LINGO2: variants seen among roughly 807,000 people sequenced by gnomAD.
LINGO2 encodes leucine rich repeat and Ig domain containing 2, also known as leucine-rich repeat and immunoglobulin-like domain-containing nogo receptor-interacting protein 2.
A neutral mutation model predicts 30.6 loss-of-function variants in LINGO2; 14 were observed. The ratio of observed to expected loss-of-function variants is 0.46; its 90% CI spans 0.30 to 0.72. The LOEUF (loss-of-function observed/expected upper bound fraction) is 0.72, where lower values mean the gene tolerates loss of function less well. LINGO2 is among the 30% of genes least tolerant of loss of function. LINGO2 has a pLI of 0.07. For missense variants in LINGO2, 729 were observed against 751.7 expected (o/e 0.97, Z 0.35); for synonymous variants, 317 against 288.5 (o/e 1.10, Z -1.00).
At chr9:28,143,228 C>A (rs1827723912) in intron 4 of LINGO2, among the ~76,000 whole-genome samples, 1 of 152,080 alleles carries the variant, frequency 6.6e-6, no homozygotes, top group African/African-American at 2.4e-5. Flanking sequence ...ACTTCATGTC[C>A]TAGTGGAATA....
At chr9:28,210,258 A>G (rs543495775) in intron 4 of LINGO2, among the ~76,000 whole-genome samples, 1 of 151,812 alleles carries the variant, frequency 6.6e-6, no homozygotes, top group African/African-American at 2.4e-5. Context: ...AAATATATAC[A>G]GCTCAAGGCA....
chr9:28,625,221 C>T (rs1487092122), intron 1 of LINGO2, among the ~76,000 whole-genome samples: 2 of 152,042 alleles, frequency 1.3e-5, no homozygotes, highest in African/African-American at 4.8e-5. Flanking sequence ...AGATGAGTGC[C>T]AGCCAAACCC....
At chr9:28,722,625 G>A in the LINGO2 span, among the ~76,000 whole-genome samples, 6 of 152,206 alleles carry the variant, frequency 3.9e-5, no homozygotes, top group African/African-American at 1.4e-4. Flanking sequence ...TTGAATCATG[G>A]AATTAAAACA....
chr9:28,281,063 G>A (rs867039438), intron 4 of LINGO2, among the ~76,000 whole-genome samples: 6 of 152,058 alleles, frequency 3.9e-5, no homozygotes, highest in South Asian at 2.1e-4. Flanking sequence ...GGTCAGATAT[G>A]CAAACTTTGA....
At chr9:28,327,155 C>A (rs758761643) in intron 3 of LINGO2, among the ~76,000 whole-genome samples, 6 of 152,136 alleles carry the variant, frequency 3.9e-5, no homozygotes, top group African/African-American at 1.4e-4. Flanking sequence ...CCATGAGAAA[C>A]AGGCCCTCCC....
chr9:29,192,938 T>C, the LINGO2 span, among the ~76,000 whole-genome samples: 3 of 152,188 alleles, frequency 2.0e-5, no homozygotes, highest in Non-Finnish European at 4.4e-5. Context: ...CTGACAGGCG[T>C]TGTGGTATCT....
At chr9:28,120,824 C>T (rs1306783716) in intron 4 of LINGO2, among the ~76,000 whole-genome samples, 1 of 152,116 alleles carries the variant, frequency 6.6e-6, no homozygotes, top group Admixed American at 6.5e-5. Flanking sequence ...CTTGCCCAGA[C>T]CAGGAAGCTT....
At chr9:29,161,417 A>C in the LINGO2 span, among the ~76,000 whole-genome samples, 1 of 152,336 alleles carries the variant, frequency 6.6e-6, no homozygotes, top group East Asian at 1.9e-4. Context: ...AACCTGACAT[A>C]AGCTTATTAA....
At chr9:28,171,477 G>C (rs1828580064) in intron 4 of LINGO2, among the ~76,000 whole-genome samples, 1 of 152,142 alleles carries the variant, frequency 6.6e-6, no homozygotes, top group African/African-American at 2.4e-5. Flanking sequence ...TCAAACTGGG[G>C]AGAGAAGTTG....
In LINGO2 at chr9:28,055,875, T is replaced by G. The variant is rs191214898; in HGVS notation, c.-86-43470A>C. Among the ~76,000 whole-genome samples the G allele has an allele frequency of 1.5e-3, 227 of 152,276 alleles. 2 individuals are homozygous for G. Among genetic ancestry groups the G allele is most frequent in the African/African-American group, 5.1e-3 (214 of 41,560 alleles). ...TTACTTTGGTTTCGAAGGAGGCATT[T>G]GGCAAAAGTTAAATGTGGCTGATTA... On this transcript the variant is annotated intron_variant, in intron 4 of 5. Transcript: ENST00000379992.
At position 28,556,636 on chromosome 9, in the gene LINGO2, GA is replaced by G. The variant is rs1461556834; in HGVS notation, c.-364-80612del. 1.6e-4 allele frequency among the ~76,000 whole-genome samples: 25 copies of G among 151,910 alleles called. No homozygotes were observed. The East Asian group carries it at 4.3e-3, about 26-fold the overall frequency. On this transcript the variant is annotated intron_variant, in intron 1 of 5. Transcript: ENST00000379992. ...ACCAATGACTTTCTTCACAGAATTGGAAAAAACTACTTTAAAGTTCATATGG... is the reference window on the plus strand; with the variant it reads ...ACCAATGACTTTCTTCACAGAATTGGAAAAACTACTTTAAAGTTCATATGG...
At chr9:28,020,993 G>C (rs1206599615) in intron 4 of LINGO2, among the ~76,000 whole-genome samples, 2 of 151,580 alleles carry the variant, frequency 1.3e-5, no homozygotes, top group Non-Finnish European at 2.9e-5. Flanking sequence ...ACCAGCTTTT[G>C]GTTTCATTTC....
At chr9:28,744,929 T>C in the LINGO2 span, among the ~76,000 whole-genome samples, 1 of 152,036 alleles carries the variant, frequency 6.6e-6, no homozygotes, top group South Asian at 2.1e-4. Context: ...GCCACTGCGC[T>C]GATCCTTGTT....
At chr9:28,548,298 C>G (rs1822058428) in intron 1 of LINGO2, among the ~76,000 whole-genome samples, 1 of 152,036 alleles carries the variant, frequency 6.6e-6, no homozygotes, top group African/African-American at 2.4e-5. Context: ...GGGATATTCC[C>G]ATAGTAGACA....
chr9:28,874,245 A>G, the LINGO2 span, among the ~76,000 whole-genome samples: 1 of 152,044 alleles, frequency 6.6e-6, no homozygotes, highest in South Asian at 2.1e-4. Context: ...GAAAACCAAT[A>G]TTGGCCATTA....
the LINGO2 span, among the ~76,000 whole-genome samples, chr9:28,812,072 ATT>A: frequency 4.6e-4 from 67 of 147,222 alleles, no homozygotes; most frequent in African/African-American, 1.7e-3. Flanking sequence ...TCTTGTGGCA[ATT>A]TTTTTTTTTG....
At chr9:28,143,566 G>A (rs1301266324) in intron 4 of LINGO2, among the ~76,000 whole-genome samples, 3 of 152,102 alleles carry the variant, frequency 2.0e-5, no homozygotes, top group African/African-American at 7.2e-5. Context: ...ATAGAGAGAT[G>A]AACTAGTGAA....
At chr9:28,384,417 T>G (rs990957747) in intron 2 of LINGO2, among the ~76,000 whole-genome samples, 2 of 151,286 alleles carry the variant, frequency 1.3e-5, no homozygotes, top group African/African-American at 4.8e-5. Flanking sequence ...TTTGGACATT[T>G]TTTCAGTTAA....
the LINGO2 span, among the ~76,000 whole-genome samples, chr9:28,751,288 C>CAAAAA: frequency 0.011 from 921 of 81,928 alleles, 30 homozygotes; most frequent in Non-Finnish European, 0.012. Context: ...AAGATCCAGT[C>CAAAAA]AAAAAAAAAA....
Sources: gnomAD v4.1 joint callset for allele counts (sites outside exome capture counted in the v4.1 genomes callset) on GRCh38, gnomAD v4.1.1 for gene constraint, MANE v1.5 for transcripts, NCBI Gene and HGNC (gene_info 2026-07-23, HGNC 2026-07-21) for gene names.